FMNL2: variants seen among roughly 807,000 people sequenced by gnomAD.
The protein encoded by FMNL2 is formin-like protein 2.
In FMNL2, 51 loss-of-function variants were observed where a neutral mutation model predicts 130.2. That is an observed-to-expected ratio of 0.39 (90% CI 0.31 to 0.49). The LOEUF (loss-of-function observed/expected upper bound fraction) is 0.49. FMNL2 is among the 20% of genes least tolerant of loss of function. The probability of loss-of-function intolerance (pLI) is 0.85; values close to 1 mark genes in which losing one functional copy is unlikely to be tolerated. For synonymous variants in FMNL2, 465 were observed against 467.1 expected (o/e 1.00, Z 0.06); for missense variants, 977 against 1,316.2 (o/e 0.74, Z 3.99).
At chr2:152,529,892 A>G (rs770420920) in intron 2 of FMNL2, among the ~76,000 whole-genome samples, 1 of 152,202 alleles carries the variant, frequency 6.6e-6, no homozygotes, top group Non-Finnish European at 1.5e-5. Flanking sequence ...TCGTTGCCAG[A>G]GCTAGACATC....
At chr2:152,406,135 GTGTAT>G (rs1685967353) in intron 1 of FMNL2, among the ~76,000 whole-genome samples, 2 of 132,942 alleles carry the variant, frequency 1.5e-5, no homozygotes, top group Non-Finnish European at 3.2e-5. Flanking sequence ...ATGTCTATAA[GTGTAT>G]GCTGCACATT....
intron 16 of FMNL2, 32 bp downstream of exon 16, chr2:152,625,594 G>A: frequency 2.5e-6 from 4 of 1,582,592 alleles, no homozygotes; most frequent in Non-Finnish European, 3.5e-6. Context: ...AACTAGAGGT[G>A]CACTCTGTGC....
At chr2:152,598,676 C>T (rs879538682) in intron 9 of FMNL2, among the ~76,000 whole-genome samples, 6 of 152,002 alleles carry the variant, frequency 3.9e-5, no homozygotes, top group Admixed American at 6.6e-5. Flanking sequence ...GGTGACAGAG[C>T]GAGACTCTGT....
chr2:152,518,070 G>A (rs1473861672), intron 1 of FMNL2, among the ~76,000 whole-genome samples: 1 of 152,204 alleles, frequency 6.6e-6, no homozygotes, highest in Non-Finnish European at 1.5e-5. Context: ...CAGTAACTTG[G>A]ACTCATGAAT....
At chr2:152,588,876 T>A (rs1266105186) in intron 9 of FMNL2, among the ~76,000 whole-genome samples, 1 of 152,138 alleles carries the variant, frequency 6.6e-6, no homozygotes, top group Non-Finnish European at 1.5e-5. Flanking sequence ...ATAAAGAATT[T>A]GCTCATATGT....
intron 1 of FMNL2, among the ~76,000 whole-genome samples, chr2:152,472,170 C>T (rs75685351): frequency 6.6e-6 from 1 of 152,306 alleles, no homozygotes; most frequent in Non-Finnish European, 1.5e-5. Context: ...GCTTGATGAA[C>T]CAAGCATATC....
chr2:152,525,089 A>G (rs1693312492), intron 2 of FMNL2, among the ~76,000 whole-genome samples: 2 of 152,198 alleles, frequency 1.3e-5, no homozygotes, highest in South Asian at 4.1e-4. Flanking sequence ...GCCAATGCCA[A>G]GGTCACCCAG....
rs80226450 is a variant in FMNL2 at position 152,531,314 on chromosome 2, C to A, written c.201+9288C>A. Among the ~76,000 whole-genome samples, 341 of 152,226 alleles carry A rather than the reference C, an allele frequency of 2.2e-3. 4 individuals carry two copies. The highest frequency in any genetic ancestry group is 7.7e-3 in the African/African-American group (319 of 41,520). On this transcript the variant is annotated intron_variant, in intron 2 of 25. Transcript: ENST00000288670. ...TTCCTTCTCTGCCTATCCTTAGATCCTATTTGAAAGTTTGGCTTAATGATT... is the reference window on the plus strand; with the variant it reads ...TTCCTTCTCTGCCTATCCTTAGATCATATTTGAAAGTTTGGCTTAATGATT...
At chr2:152,485,503 C>T (rs1245544743) in intron 1 of FMNL2, among the ~76,000 whole-genome samples, 2 of 152,248 alleles carry the variant, frequency 1.3e-5, no homozygotes, top group South Asian at 4.1e-4. Flanking sequence ...GATTGTGCCA[C>T]TGCACTCCAG....
At chr2:152,377,747 C>T (rs1011033363) in intron 1 of FMNL2, among the ~76,000 whole-genome samples, 1 of 152,186 alleles carries the variant, frequency 6.6e-6, no homozygotes, top group East Asian at 1.9e-4. Context: ...CTCTGGCATC[C>T]CATTACTTGG....
chr2:152,346,173 T>C (rs1682111365), intron 1 of FMNL2, among the ~76,000 whole-genome samples: 1 of 152,046 alleles, frequency 6.6e-6, no homozygotes, highest in Non-Finnish European at 1.5e-5. Flanking sequence ...TACAGGTGCA[T>C]GCCTCTGTGC....
intron 1 of FMNL2, among the ~76,000 whole-genome samples, chr2:152,513,286 T>C (rs1692583027): frequency 6.6e-6 from 1 of 152,156 alleles, no homozygotes; most frequent in Non-Finnish European, 1.5e-5. Flanking sequence ...AGTTACCGTT[T>C]CCTCCTTTTT....
chr2:152,382,652 C>T (rs1684537494), intron 1 of FMNL2, among the ~76,000 whole-genome samples: 1 of 146,410 alleles, frequency 6.8e-6, no homozygotes. Context: ...CCATACACAC[C>T]CACACCAAGA....
At chr2:152,458,776 G>A (rs887507392) in intron 1 of FMNL2, among the ~76,000 whole-genome samples, 1 of 152,164 alleles carries the variant, frequency 6.6e-6, no homozygotes. Context: ...CCTTGAGGGA[G>A]GATAATTGAC....
At chr2:152,585,978 C>CT (rs1697052341) in intron 9 of FMNL2, among the ~76,000 whole-genome samples, 1 of 151,834 alleles carries the variant, frequency 6.6e-6, no homozygotes, top group African/African-American at 2.4e-5. Context: ...TACTGAGGCC[C>CT]TGTAGACTCT....
chr2:152,401,898 CTTTTTTTTTTTT>C (rs70974858), intron 1 of FMNL2, among the ~76,000 whole-genome samples: 101 of 78,576 alleles, frequency 1.3e-3, no homozygotes, highest in Admixed American at 2.4e-3. Context: ...TGTGTTTAAT[CTTTTTTTTTTTT>C]TTTTTTTTTT....
At chr2:152,449,817 A>G (rs1688535749) in intron 1 of FMNL2, among the ~76,000 whole-genome samples, 1 of 152,252 alleles carries the variant, frequency 6.6e-6, no homozygotes, top group Admixed American at 6.5e-5. Flanking sequence ...GCTTTGCTAA[A>G]GCATTAATGT....
chr2:152,545,681 C>T (rs2105510627), intron 3 of FMNL2, among the ~76,000 whole-genome samples: 1 of 152,286 alleles, frequency 6.6e-6, no homozygotes, highest in Admixed American at 6.5e-5. Flanking sequence ...CCCAGGCCTC[C>T]CTTGATGGGG....
chr2:152,565,856 T>C (rs1695807409), intron 6 of FMNL2, among the ~76,000 whole-genome samples: 1 of 152,150 alleles, frequency 6.6e-6, no homozygotes, highest in Admixed American at 6.5e-5. Flanking sequence ...CATAGCTCAC[T>C]ACAGCCTCAA....
Sources: gnomAD v4.1 joint callset for allele counts (sites outside exome capture counted in the v4.1 genomes callset) on GRCh38, gnomAD v4.1.1 for gene constraint, MANE v1.5 for transcripts, NCBI Gene and HGNC (gene_info 2026-07-23, HGNC 2026-07-21) for gene names.